The following SMCR8 variants were observed in gnomAD, a reference collection of about 807,000 sequenced individuals.
SMCR8 encodes SMCR8-C9orf72 complex subunit, also known as guanine nucleotide exchange protein SMCR8.
Under a neutral mutation model 56.6 loss-of-function variants are expected in SMCR8, and 30 were observed. The ratio of observed to expected loss-of-function variants is 0.53; its 90% CI spans 0.40 to 0.72. SMCR8 has a LOEUF of 0.72. SMCR8 is among the 30% of genes least tolerant of loss of function. The pLI is 0.00. For missense variants in SMCR8, 1,198 were observed against 1,157.0 expected (o/e 1.04, Z -0.51); for synonymous variants, 538 against 456.0 (o/e 1.18, Z -2.29).
chr17:18,325,260 A>C lies in SMCR8; in HGVS notation c.*2190A>C, dbSNP rs929871243. ...TTGGGGCAGATCCTGAATTGCAGCCACACTTGGCCTTCTAGAAGCTGAAGT... is the reference window on the plus strand; with the variant it reads ...TTGGGGCAGATCCTGAATTGCAGCCCCACTTGGCCTTCTAGAAGCTGAAGT... On this transcript the variant is annotated 3_prime_UTR_variant, in exon 2 of 2. Coordinates refer to ENST00000406438, the MANE Select transcript of SMCR8 (RefSeq NM_144775.3). The C allele has an allele frequency of 6.6e-6, 1 of 152,254 alleles. No individual in the cohort carries two copies. The highest frequency in any genetic ancestry group is 1.5e-5 in the Non-Finnish European group (1 of 68,064). The allele number at this position is 152,254 out of a possible 1,614,324, so 9.4% of individuals were successfully genotyped here. A position where few individuals can be genotyped will look rare whatever the true frequency, so the allele number is the denominator to read the frequency against.
rs1388335688 is a variant in SMCR8, at chr17:18,315,887, C to T, written c.98C>T (p.Pro33Leu). The part of the protein sequence containing the change: ...EPALPEEYSV[P>L]LFPFASQGAN... ...GCCCTGCCTGAGGAGTACTCGGTGC[C>T]GCTCTTCCCCTTCGCCAGTCAGGGT... is the stretch of plus-strand genomic sequence containing the variant. Residue 33 changes from proline to leucine, a missense_variant, in exon 1 of 2, where the codon CCG (proline) becomes CTG (leucine). Transcript: ENST00000406438. 1.2e-6 allele frequency: 2 copies of T among 1,613,930 alleles called. No individual in the cohort carries two copies. The highest frequency in any genetic ancestry group is 2.2e-5 in the East Asian group (1 of 44,900).
In SMCR8 at chr17:18,316,935, G is replaced by T; in HGVS notation, c.1146G>T (p.Met382Ile). The change falls in exon 1 of 2, where the codon ATG (methionine) becomes ATT (isoleucine). Residue 382 changes from methionine (M) to isoleucine (I), a missense_variant. Coordinates refer to ENST00000406438, the MANE Select transcript of SMCR8 (RefSeq NM_144775.3). ...FEDFVEVDDRMVEKQESIPSK... is the reference protein window; with the variant it reads ...FEDFVEVDDRIVEKQESIPSK... The stretch of plus-strand genomic sequence containing the variant: ...ACTTTGTGGAGGTCGATGACAGGAT[G>T]GTGGAGAAACAAGAAAGCATACCCT... 1.2e-6 allele frequency: 2 copies of T among 1,614,206 alleles called. No individual in the cohort carries two copies. The highest frequency in any genetic ancestry group is 1.7e-6 in the Non-Finnish European group (2 of 1,180,032).
In SMCR8 at chr17:18,316,911, C is replaced by T. The variant is rs145556991; in HGVS notation, c.1122C>T (p.Asp374=). ...ATATAACAAACTTTCTCTTTGAAGA[C>T]TTTGTGGAGGTCGATGACAGGATGG... ...QQHITNFLFE[D]FVEVDDRMVE... The change falls in exon 1 of 2, where the codon GAC becomes GAT. Residue 374 remains aspartate (D), a synonymous_variant. Coordinates refer to ENST00000406438, the MANE Select transcript of SMCR8 (RefSeq NM_144775.3). 218 of 1,614,070 alleles carry T rather than the reference C, an allele frequency of 1.4e-4. No individual in the cohort carries two copies. The highest frequency in any genetic ancestry group is 1.7e-4 in the Non-Finnish European group (195 of 1,180,044).
In SMCR8 at chr17:18,325,503, G is replaced by C. The variant is rs1050807292; in HGVS notation, c.*2433G>C. On this transcript the variant is annotated 3_prime_UTR_variant, in exon 2 of 2. Coordinates refer to ENST00000406438, the MANE Select transcript of SMCR8 (RefSeq NM_144775.3). Reference sequence around the variant, plus strand: ...AAGATGGCTTCGTGACTAGTGTTTAGCTCCCAGATTTATATTTGGGTTAAA... The same window carrying C: ...AAGATGGCTTCGTGACTAGTGTTTACCTCCCAGATTTATATTTGGGTTAAA... 2.6e-5 allele frequency: 4 copies of C among 152,208 alleles called. No homozygotes were observed. Among genetic ancestry groups the C allele is most frequent in the Non-Finnish European group, 5.9e-5 (4 of 68,034 alleles). The allele number at this position is 152,208 out of a possible 1,614,324, so 9.4% of individuals were successfully genotyped here. A position where few individuals can be genotyped will look rare whatever the true frequency, so the allele number is the denominator to read the frequency against.
In SMCR8 at chr17:18,326,719, G is replaced by A. The variant is rs890460442; in HGVS notation, c.*3649G>A. The A allele has an allele frequency of 6.6e-6, 1 of 152,290 alleles. No homozygotes were observed. The highest frequency in any genetic ancestry group is 6.5e-5 in the Admixed American group (1 of 15,290). The allele number at this position is 152,290 out of a possible 1,614,324, so 9.4% of individuals were successfully genotyped here. ...CGCGCCAGGGCGGCTGCAGTTGGAGGCCGAGGGCAGCCCTCTGCTCACTGA... is the reference window on the plus strand; with the variant it reads ...CGCGCCAGGGCGGCTGCAGTTGGAGACCGAGGGCAGCCCTCTGCTCACTGA... On this transcript the variant is annotated 3_prime_UTR_variant, in exon 2 of 2. Coordinates refer to ENST00000406438, the MANE Select transcript of SMCR8 (RefSeq NM_144775.3).
rs1365017602 is a variant in SMCR8 at position 18,315,816 on chromosome 17, C to T, written c.27C>T (p.Ala9=). The change falls in exon 1 of 2, where the codon GCC becomes GCT. Residue 9 remains alanine, a synonymous_variant. Transcript: ENST00000406438. ...TGATCAGCGCCCCTGACGTAGTGGCCTTCACCAAAGAGGAAGAGTATGAAG... is the reference window on the plus strand; with the variant it reads ...TGATCAGCGCCCCTGACGTAGTGGCTTTCACCAAAGAGGAAGAGTATGAAG... MISAPDVV[A]FTKEEEYEEE... 4.4e-6 allele frequency: 7 copies of T among 1,599,678 alleles called. No homozygotes were observed. Among genetic ancestry groups the T allele is most frequent in the Non-Finnish European group, 6.0e-6 (7 of 1,169,472 alleles).
rs1264676569 is a variant in SMCR8, at chr17:18,325,090, A to G, written c.*2020A>G. The G allele has an allele frequency of 3.3e-5, 5 of 152,270 alleles. No homozygotes were observed. Among genetic ancestry groups the G allele is most frequent in the African/African-American group, 7.2e-5 (3 of 41,462 alleles). 9.4% of individuals were successfully genotyped at this position (152,270 alleles called of 1,614,324 possible). A position where few individuals can be genotyped will look rare whatever the true frequency, so the allele number is the denominator to read the frequency against. Reference sequence around the variant, plus strand: ...GCTGTCTACTTAGGCCTCCAAGGCCATAACTGTGCAACATTTTATCTGAGA... The same window carrying G: ...GCTGTCTACTTAGGCCTCCAAGGCCGTAACTGTGCAACATTTTATCTGAGA... On this transcript the variant is annotated 3_prime_UTR_variant, in exon 2 of 2. Transcript: ENST00000406438.
In SMCR8 at chr17:18,317,381, A is replaced by T. The variant is rs762334689; in HGVS notation, c.1592A>T (p.Asp531Val). 1.2e-6 allele frequency: 2 copies of T among 1,614,026 alleles called. No homozygotes were observed. Among genetic ancestry groups the T allele is most frequent in the African/African-American group, 2.7e-5 (2 of 74,914 alleles). ...TGCCCCTCTGAGGCCCTCATCCCTG[A>T]TGACTTTAAGGCCAGCTACCCAAGT... ...STCPSEALIP[D>V]DFKASYPSAI... Residue 531 changes from aspartate (D) to valine (V), a missense_variant, in exon 1 of 2, where the codon GAT (aspartate) becomes GTT (valine). Coordinates refer to ENST00000406438, the MANE Select transcript of SMCR8 (RefSeq NM_144775.3).
chr17:18,318,740 G>GC (rs1187401500), intron 1 of SMCR8, among the ~76,000 whole-genome samples: 1 of 152,318 alleles, frequency 6.6e-6, no homozygotes, highest in South Asian at 2.1e-4. Flanking sequence ...TGAGTCACAA[G>GC]CCCTCGAGGT....
rs1475415875 is a variant in SMCR8, at chr17:18,316,172, C to G, written c.383C>G (p.Ser128Cys). 1.2e-6 allele frequency: 2 copies of G among 1,613,976 alleles called. No homozygotes were observed. Among genetic ancestry groups the G allele is most frequent in the Non-Finnish European group, 1.7e-6 (2 of 1,180,032 alleles). ...VEDSKVVLGD[S>C]KEGAFAYVHH... The stretch of plus-strand genomic sequence containing the variant: ...GACTCCAAGGTGGTGCTGGGAGATT[C>G]TAAGGAGGGCGCCTTTGCATACGTG... Residue 128 changes from serine to cysteine, a missense_variant, in exon 1 of 2, where the codon TCT (serine) becomes TGT (cysteine). Coordinates refer to ENST00000406438, the MANE Select transcript of SMCR8 (RefSeq NM_144775.3).
rs1439583828 is a variant in SMCR8, at chr17:18,327,985, GT to G, written c.*4916del. The G allele has an allele frequency of 6.6e-6, 1 of 152,600 alleles. No individual in the cohort carries two copies. The highest frequency in any genetic ancestry group is 1.5e-5 in the Non-Finnish European group (1 of 68,022). The allele number at this position is 152,600 out of a possible 1,614,324, so 9.5% of individuals were successfully genotyped here. ...ACATTCTGTGGTTAAAAATTTGATT[GT>G]GCTTATTAAAAATGGTCATCTATGT... On this transcript the variant is annotated 3_prime_UTR_variant, in exon 2 of 2. Coordinates refer to ENST00000406438, the MANE Select transcript of SMCR8 (RefSeq NM_144775.3).
In SMCR8 at chr17:18,323,079, C is replaced by T; in HGVS notation, c.*9C>T. The T allele has an allele frequency of 1.2e-6, 2 of 1,604,398 alleles. No individual in the cohort carries two copies. Among genetic ancestry groups the T allele is most frequent in the Admixed American group, 1.7e-5 (1 of 59,504 alleles). ...TTTTGTATAAAATCTGAGGTCGGTCCCAGACACTGTGACCAAGACCTGTGA... is the reference window on the plus strand; with the variant it reads ...TTTTGTATAAAATCTGAGGTCGGTCTCAGACACTGTGACCAAGACCTGTGA... On this transcript the variant is annotated 3_prime_UTR_variant, in exon 2 of 2. Coordinates refer to ENST00000406438, the MANE Select transcript of SMCR8 (RefSeq NM_144775.3).
chr17:18,317,827 A>T lies in SMCR8; in HGVS notation c.2038A>T (p.Ser680Cys). 6.2e-7 allele frequency: 1 copy of T among 1,614,136 alleles called. No homozygotes were observed. The highest frequency in any genetic ancestry group is 8.5e-7 in the Non-Finnish European group (1 of 1,179,984). Residue 680 changes from serine (S) to cysteine (C), a missense_variant, in exon 1 of 2, where the codon AGT becomes TGT. Coordinates refer to ENST00000406438, the MANE Select transcript of SMCR8 (RefSeq NM_144775.3). ...CTCAGACACCACCAGCTACGTGAGC[A>T]GTGTAGCGTCCACCAGCTCAGACAG... Reference protein sequence around the residue: ...NYSDTTSYVSSVASTSSDRIP... With the variant: ...NYSDTTSYVSCVASTSSDRIP...
In SMCR8 at chr17:18,327,027, G is replaced by T. The variant is rs548265178; in HGVS notation, c.*3957G>T. 6.5e-6 allele frequency: 1 copy of T among 152,686 alleles called. No homozygotes were observed. The highest frequency in any genetic ancestry group is 6.5e-5 in the Admixed American group (1 of 15,300). 9.5% of individuals were successfully genotyped at this position (152,686 alleles called of 1,614,324 possible). ...GCAAACAAGTCAGCTTTCTGGCTTT[G>T]CCCCAAAACTGTGATGGAACATAAT... On this transcript the variant is annotated 3_prime_UTR_variant, in exon 2 of 2. Transcript: ENST00000406438.
Position 18,317,164 on chromosome 17 carries a change from G to T in SMCR8, c.1375G>T (p.Asp459Tyr). 1.2e-6 allele frequency: 2 copies of T among 1,614,150 alleles called. No homozygotes were observed. The highest frequency in any genetic ancestry group is 8.5e-7 in the Non-Finnish European group (1 of 1,180,024). ...FDPQENLDYL[D>Y]MDMKGSISSG... ...CCCCCAGGAAAACTTGGACTACCTG[G>T]ATATGGATATGAAAGGGAGTATCAG... The change falls in exon 1 of 2, where the codon GAT becomes TAT. Residue 459 changes from aspartate to tyrosine, a missense_variant. Asp to Tyr is a radical substitution (Grantham distance 160). Coordinates refer to ENST00000406438, the MANE Select transcript of SMCR8 (RefSeq NM_144775.3).
chr17:18,317,117 T>A lies in SMCR8; in HGVS notation c.1328T>A (p.Val443Glu). The change falls in exon 1 of 2, where the codon GTG becomes GAG. Residue 443 changes from valine to glutamate, a missense_variant. By Grantham distance (121) the Val-to-Glu change is moderately radical. Transcript: ENST00000406438. The stretch of plus-strand genomic sequence containing the variant: ...GATGAGGAGTACAAGGAAGTGGAAG[T>A]GACTGAGTTGAGCAGTTTCGACCCC... ...LGDEEYKEVEVTELSSFDPQE... is the reference protein window; with the variant it reads ...LGDEEYKEVEETELSSFDPQE... The A allele has an allele frequency of 1.2e-6, 2 of 1,614,162 alleles. No individual in the cohort carries two copies.
At position 18,316,588 on chromosome 17, in the gene SMCR8, T is replaced by G; in HGVS notation, c.799T>G (p.Cys267Gly). 1 of 1,614,200 alleles carries G rather than the reference T, an allele frequency of 6.2e-7. No individual in the cohort carries two copies. The highest frequency in any genetic ancestry group is 1.3e-5 in the African/African-American group (1 of 75,060). Residue 267 changes from cysteine (C) to glycine (G), a missense_variant, in exon 1 of 2, where the codon TGT becomes GGT. Physicochemically the swap from Cys to Gly is radical, Grantham distance 159. Coordinates refer to ENST00000406438, the MANE Select transcript of SMCR8 (RefSeq NM_144775.3). The stretch of plus-strand genomic sequence containing the variant: ...TCGGAAGTTGAAGGGGCATGATTTG[T>G]GTCCTGGTGAGATGGAGCACATCCA... ...PHRKLKGHDL[C>G]PGEMEHIQDQ... is the part of the protein sequence containing the mutation.
intron 1 of SMCR8, 125 bp downstream of exon 1, chr17:18,318,274 T>G (rs1982393880): frequency 1.1e-6 from 1 of 925,190 alleles, no homozygotes; most frequent in African/African-American, 1.6e-5. Flanking sequence ...CTGTGTTACT[T>G]TTGGCAAGTC....
Position 18,326,784 on chromosome 17 carries a change from A to T in SMCR8, c.*3714A>T, listed in dbSNP as rs1201163344. 1 of 152,320 alleles carries T rather than the reference A, an allele frequency of 6.6e-6. No homozygotes were observed. Among genetic ancestry groups the T allele is most frequent in the East Asian group, 1.9e-4 (1 of 5,196 alleles). The allele number at this position is 152,320 out of a possible 1,614,324, so 9.4% of individuals were successfully genotyped here. A position where few individuals can be genotyped will look rare whatever the true frequency, so the allele number is the denominator to read the frequency against. ...CTGACTGCTGCCCGCAGTGCTGAAC[A>T]TGCCCCACCGCCCAGGCCCAGCACT... On this transcript the variant is annotated 3_prime_UTR_variant, in exon 2 of 2. Coordinates refer to ENST00000406438, the MANE Select transcript of SMCR8 (RefSeq NM_144775.3).
Sources: allele counts gnomAD v4.1 joint callset (sites outside exome capture counted in the v4.1 genomes callset), GRCh38; gene constraint gnomAD v4.1.1; transcripts MANE v1.5; gene names NCBI Gene and HGNC (gene_info 2026-07-23, HGNC 2026-07-21).